The following MAP4K4 variants were observed in gnomAD, a reference collection of about 807,000 sequenced individuals.
The protein encoded by MAP4K4 is HPK/GCK-like kinase HGK.
Under a neutral mutation model 189.6 loss-of-function variants are expected in MAP4K4, and 38 were observed. The ratio of observed to expected loss-of-function variants is 0.20; its 90% CI spans 0.15 to 0.26. The LOEUF (loss-of-function observed/expected upper bound fraction) is 0.26, where lower values mean the gene tolerates loss of function less well. MAP4K4 is among the 10% of genes least tolerant of loss of function. The probability of loss-of-function intolerance (pLI) is 1.00; values close to 1 mark genes in which losing one functional copy is unlikely to be tolerated. For missense variants in MAP4K4, 1,054 were observed against 1,726.9 expected (o/e 0.61, Z 6.91); for synonymous variants, 610 against 624.3 (o/e 0.98, Z 0.34).
chr2:101,724,987 G>A (rs893767767), intron 2 of MAP4K4, among the ~76,000 whole-genome samples: 1 of 152,186 alleles, frequency 6.6e-6, no homozygotes. Flanking sequence ...TACTGTGCAG[G>A]TTTGTAGCCT....
chr2:101,783,281 G>GA (rs34196195), intron 2 of MAP4K4, among the ~76,000 whole-genome samples: 106,472 of 149,516 alleles, frequency 0.71, 37,744 homozygotes, highest in East Asian at 0.76. Flanking sequence ...TGTTTTTCTG[G>GA]AAAAAAAAAA....
intron 2 of MAP4K4, among the ~76,000 whole-genome samples, chr2:101,698,855 C>T (rs1162924229): frequency 1.3e-5 from 2 of 152,056 alleles, no homozygotes; most frequent in African/African-American, 2.4e-5. Flanking sequence ...TCCCCAAATC[C>T]GGCCTTCTGA....
At chr2:101,877,888 T>G (rs2098257926) in intron 27 of MAP4K4, among the ~76,000 whole-genome samples, 1 of 152,186 alleles carries the variant, frequency 6.6e-6, no homozygotes, top group South Asian at 2.1e-4. Flanking sequence ...TAGCTGGGAC[T>G]ACAGGCACTT....
chr2:101,887,772 C>T lies in MAP4K4; in HGVS notation c.3772-6C>T, dbSNP rs1388787605. 2 of 1,602,560 alleles carry T rather than the reference C, an allele frequency of 1.2e-6. No homozygotes were observed. Among genetic ancestry groups the T allele is most frequent in the African/African-American group, 1.3e-5 (1 of 74,592 alleles). ...TTCTTCCCTGTACTTTGTTCCTGTT[C>T]TCTAGATCCAGTGTAGCATCAAACC... On this transcript the variant is annotated splice_region_variant and splice_polypyrimidine_tract_variant and intron_variant, in intron 30 of 32. Transcript: ENST00000324219.
intron 2 of MAP4K4, among the ~76,000 whole-genome samples, chr2:101,712,730 A>G (rs2046292773): frequency 6.6e-6 from 1 of 151,894 alleles, no homozygotes; most frequent in Admixed American, 6.6e-5. Context: ...TCCTGATCTC[A>G]GGTGATACAC....
chr2:101,747,130 G>GT (rs1330771600), intron 2 of MAP4K4, among the ~76,000 whole-genome samples: 2 of 151,776 alleles, frequency 1.3e-5, no homozygotes, highest in East Asian at 3.9e-4. Flanking sequence ...TGTTTGTTTT[G>GT]TTTTTTGAGA....
intron 2 of MAP4K4, among the ~76,000 whole-genome samples, chr2:101,733,116 C>T (rs1370535247): frequency 1.3e-5 from 2 of 152,242 alleles, no homozygotes; most frequent in Non-Finnish European, 2.9e-5. Context: ...CAGGAGCCAG[C>T]CTCTGTCACT....
intron 10 of MAP4K4, among the ~76,000 whole-genome samples, chr2:101,841,876 C>A (rs2096930578): frequency 6.6e-6 from 1 of 152,142 alleles, no homozygotes; most frequent in Non-Finnish European, 1.5e-5. Context: ...AGTGAAACTG[C>A]TCACTGAAAG....
chr2:101,876,942 A>G (rs1489275616), intron 26 of MAP4K4, 61 bp from the exon 27 acceptor site: 19 of 1,567,332 alleles, frequency 1.2e-5, no homozygotes, highest in African/African-American at 2.7e-5. Context: ...TCCTTTCTAT[A>G]CAACCTGGGG....
intron 2 of MAP4K4, among the ~76,000 whole-genome samples, chr2:101,772,793 T>C (rs1263053586): frequency 6.6e-6 from 1 of 152,234 alleles, no homozygotes; most frequent in African/African-American, 2.4e-5. Context: ...GGCACTGTGC[T>C]AAACCTCACA....
chr2:101,816,325 G>A (rs768618941), intron 3 of MAP4K4, among the ~76,000 whole-genome samples: 11 of 152,190 alleles, frequency 7.2e-5, no homozygotes, highest in Non-Finnish European at 1.6e-4. Context: ...TGTCAAATAT[G>A]TAAGCACGAG....
chr2:101,701,124 AAAT>A (rs1196570510), intron 2 of MAP4K4, among the ~76,000 whole-genome samples: 6 of 152,206 alleles, frequency 3.9e-5, no homozygotes, highest in Non-Finnish European at 5.9e-5. Context: ...CAGGTAAAAA[AAAT>A]CTGTAAGCTG....
intron 2 of MAP4K4, among the ~76,000 whole-genome samples, chr2:101,754,301 A>G (rs1275701436): frequency 2.7e-5 from 4 of 146,732 alleles, no homozygotes; most frequent in Non-Finnish European, 6.0e-5. Flanking sequence ...CATTCTATTC[A>G]CGGTATATTA....
chr2:101,790,954 C>T (rs559775136), intron 3 of MAP4K4, among the ~76,000 whole-genome samples, 178 bp downstream of exon 3: 56 of 152,224 alleles, frequency 3.7e-4, no homozygotes, highest in Non-Finnish European at 5.7e-4. Flanking sequence ...TACACGGTCT[C>T]CAAGTAACTA....
At chr2:101,809,055 T>G (rs1429533846) in intron 3 of MAP4K4, among the ~76,000 whole-genome samples, 1 of 152,196 alleles carries the variant, frequency 6.6e-6, no homozygotes, top group Non-Finnish European at 1.5e-5. Context: ...TGAGTTTGTA[T>G]TTATTTATTT....
At chr2:101,845,644 A>T (rs1006297902) in intron 12 of MAP4K4, among the ~76,000 whole-genome samples, 2 of 152,332 alleles carry the variant, frequency 1.3e-5, no homozygotes, top group African/African-American at 4.8e-5. Flanking sequence ...GTATGGTAAA[A>T]ATATGATATT....
At chr2:101,716,420 G>A (rs1434465924) in intron 2 of MAP4K4, among the ~76,000 whole-genome samples, 2 of 151,954 alleles carry the variant, frequency 1.3e-5, no homozygotes, top group African/African-American at 4.8e-5. Flanking sequence ...TCCAGCCTGG[G>A]CGACAGAGCG....
At chr2:101,789,024 A>G (rs990995218) in intron 2 of MAP4K4, among the ~76,000 whole-genome samples, 1 of 152,144 alleles carries the variant, frequency 6.6e-6, no homozygotes, top group South Asian at 2.1e-4. Context: ...CACATTCCCA[A>G]TGCAGCATAC....
At chr2:101,713,351 T>C (rs2149337863) in intron 2 of MAP4K4, among the ~76,000 whole-genome samples, 2 of 152,178 alleles carry the variant, frequency 1.3e-5, no homozygotes, top group East Asian at 3.9e-4. Flanking sequence ...TCCCAGCACT[T>C]TGGGAGGCTT....
Sources: gnomAD v4.1 joint callset for allele counts (sites outside exome capture counted in the v4.1 genomes callset) on GRCh38, gnomAD v4.1.1 for gene constraint, MANE v1.5 for transcripts, NCBI Gene and HGNC (gene_info 2026-07-23, HGNC 2026-07-21) for gene names.